The following BACH2 variants were observed in gnomAD, a reference collection of about 807,000 sequenced individuals.
BACH2 encodes the protein BACH transcriptional regulator 2, also known as transcription regulator protein BACH2.
In BACH2, 5 loss-of-function variants were observed where a neutral mutation model predicts 61.8. The ratio of observed to expected loss-of-function variants is 0.08; its 90% CI spans 0.04 to 0.17. The LOEUF (loss-of-function observed/expected upper bound fraction) is 0.17, where lower values mean the gene tolerates loss of function less well. Ranked by LOEUF, BACH2 falls within the 10% of genes least tolerant of loss-of-function variation. BACH2 has a pLI of 1.00. For synonymous variants in BACH2, 446 were observed against 440.1 expected, an observed-to-expected ratio of 1.01 and a Z score of -0.17; for missense variants, 824 against 1,091.1, an observed-to-expected ratio of 0.76 and a Z score of 3.45.
At chr6:90,260,968 T>A (rs1419961678) in intron 2 of BACH2, among the ~76,000 whole-genome samples, 1 of 152,188 alleles carries the variant, frequency 6.6e-6, no homozygotes, top group Non-Finnish European at 1.5e-5. Flanking sequence ...TAGGAGCCCC[T>A]ATTGTGCTTG....
intron 2 of BACH2, among the ~76,000 whole-genome samples, chr6:90,262,089 G>A (rs1348964913): frequency 6.6e-6 from 1 of 152,170 alleles, no homozygotes; most frequent in Non-Finnish European, 1.5e-5. Context: ...CTGACTACAG[G>A]ATGAAGGCCA....
intron 5 of BACH2, among the ~76,000 whole-genome samples, chr6:90,035,536 T>C (rs757560134): frequency 1.3e-5 from 2 of 152,124 alleles, no homozygotes; most frequent in African/African-American, 2.4e-5. Flanking sequence ...TCAACTAATA[T>C]GGAGAAACAG....
intron 4 of BACH2, among the ~76,000 whole-genome samples, chr6:90,202,410 G>A (rs1768986930): frequency 6.6e-6 from 1 of 152,084 alleles, no homozygotes. Flanking sequence ...ATGTGGTGCT[G>A]AATACTGGAA....
At chr6:89,964,058 G>A (rs1017151370) in intron 6 of BACH2, among the ~76,000 whole-genome samples, 6 of 152,166 alleles carry the variant, frequency 3.9e-5, no homozygotes, top group Non-Finnish European at 8.8e-5. Flanking sequence ...GACTGTTGTG[G>A]GGTGGGAGGA....
At chr6:90,188,787 G>T (rs976699265) in intron 4 of BACH2, among the ~76,000 whole-genome samples, 1 of 146,296 alleles carries the variant, frequency 6.8e-6, no homozygotes. Context: ...AAAGCGAAAG[G>T]GGACTGAGTA....
At chr6:90,203,647 G>T (rs767411454) in intron 4 of BACH2, among the ~76,000 whole-genome samples, 1 of 152,060 alleles carries the variant, frequency 6.6e-6, no homozygotes, top group African/African-American at 2.4e-5. Context: ...ATATTTAAAA[G>T]GTGAATAAAT....
chr6:90,044,928 A>C (rs1428327740), intron 5 of BACH2, among the ~76,000 whole-genome samples: 1 of 152,158 alleles, frequency 6.6e-6, no homozygotes, highest in African/African-American at 2.4e-5. Flanking sequence ...CTGTGGAGGT[A>C]AGCAACTGAA....
chr6:90,287,139 G>A (rs989094692), intron 1 of BACH2, among the ~76,000 whole-genome samples: 1 of 152,106 alleles, frequency 6.6e-6, no homozygotes, highest in African/African-American at 2.4e-5. Flanking sequence ...TGGTGGGGGA[G>A]AGGTGGGACT....
chr6:90,258,979 T>C (rs1028146231), intron 2 of BACH2, among the ~76,000 whole-genome samples: 8 of 152,328 alleles, frequency 5.3e-5, no homozygotes, highest in Admixed American at 6.5e-5. Flanking sequence ...AGGGGCTTTT[T>C]TCCCCCCCTA....
Position 90,071,998 on chromosome 6 carries a change from G to C in BACH2, c.-13+16963C>G, listed in dbSNP as rs140050691. Among the ~76,000 whole-genome samples the C allele has an allele frequency of 2.0e-5, 3 of 152,234 alleles. No homozygotes were observed. In the East Asian group the frequency reaches 5.8e-4, roughly 29 times the overall value. ...GTCTTGCTGTCTCAGGGGTGGCAGA[G>C]GCAGAAGGGGTGGAGGAGGTGGAAG... On this transcript the variant is annotated intron_variant, in intron 5 of 8. Transcript: ENST00000257749.
chr6:89,970,963 A>G (rs1454304523), intron 6 of BACH2, among the ~76,000 whole-genome samples: 2 of 152,260 alleles, frequency 1.3e-5, no homozygotes, highest in Non-Finnish European at 2.9e-5. Context: ...GGTGCAATAA[A>G]AAGGGAATTT....
chr6:90,098,146 G>A (rs1462716265), intron 4 of BACH2, among the ~76,000 whole-genome samples: 1 of 152,150 alleles, frequency 6.6e-6, no homozygotes, highest in Non-Finnish European at 1.5e-5. Context: ...CATCTAGATG[G>A]AGCTGTCTCC....
chr6:90,251,505 G>A (rs1309422725), intron 3 of BACH2, among the ~76,000 whole-genome samples: 4 of 96,344 alleles, frequency 4.2e-5, no homozygotes, highest in African/African-American at 8.1e-5. Flanking sequence ...AAAACCATTA[G>A]TTTAGCACAT....
At chr6:90,137,122 CAGAA>C (rs1784296969) in intron 4 of BACH2, among the ~76,000 whole-genome samples, 1 of 152,128 alleles carries the variant, frequency 6.6e-6, no homozygotes, top group Non-Finnish European at 1.5e-5. Context: ...CTGACACAGA[CAGAA>C]AGAGGGACAG....
chr6:90,218,920 C>CGT (rs3221352), intron 3 of BACH2, among the ~76,000 whole-genome samples: 52,420 of 140,296 alleles, frequency 0.37, 9,740 homozygotes, highest in Non-Finnish European at 0.44. Context: ...GTTTCCTTTC[C>CGT]GTGTGTGTGT....
At chr6:90,036,667 T>C (rs780488622) in intron 5 of BACH2, among the ~76,000 whole-genome samples, 4 of 152,202 alleles carry the variant, frequency 2.6e-5, no homozygotes, top group Non-Finnish European at 4.4e-5. Context: ...CCCCTAAACA[T>C]TTCAGCAGGA....
intron 4 of BACH2, among the ~76,000 whole-genome samples, chr6:90,110,019 C>T (rs1181209762): frequency 3.9e-5 from 6 of 152,094 alleles, no homozygotes; most frequent in Admixed American, 3.9e-4. Context: ...ATACATTTTA[C>T]AAAACATAAG....
At chr6:90,167,300 T>C (rs1767659784) in intron 4 of BACH2, among the ~76,000 whole-genome samples, 1 of 152,182 alleles carries the variant, frequency 6.6e-6, no homozygotes, top group South Asian at 2.1e-4. Flanking sequence ...GCAAATGGTT[T>C]TCCTATTCCC....
At chr6:89,943,067 C>A (rs960864157) in intron 7 of BACH2, among the ~76,000 whole-genome samples, 1 of 152,180 alleles carries the variant, frequency 6.6e-6, no homozygotes, top group Non-Finnish European at 1.5e-5. Flanking sequence ...CTTCCTTGGC[C>A]TCCCAAACTG....
Sources: allele counts gnomAD v4.1 joint callset (sites outside exome capture counted in the v4.1 genomes callset), GRCh38; gene constraint gnomAD v4.1.1; transcripts MANE v1.5; gene names NCBI Gene and HGNC (gene_info 2026-07-23, HGNC 2026-07-21).